Variants in CADM2 observed in about 807,000 individuals in gnomAD.
CADM2 encodes the protein cell adhesion molecule 2, also known as immunoglobulin superfamily member 4D.
In CADM2, 12 loss-of-function variants were observed where a neutral mutation model predicts 49.8. The observed-to-expected ratio is 0.24, with a 90% CI of 0.15 to 0.39. The LOEUF (loss-of-function observed/expected upper bound fraction) is 0.39, where lower values mean the gene tolerates loss of function less well. Ranked by LOEUF, CADM2 falls within the 10% of genes least tolerant of loss-of-function variation. CADM2 has a pLI of 1.00. For synonymous variants in CADM2, 214 were observed against 175.4 expected (o/e 1.22, Z -1.74); for missense variants, 378 against 492.3 (o/e 0.77, Z 2.20).
chr3:85,477,243 A>AACACAC (rs139955724), intron 1 of CADM2, among the ~76,000 whole-genome samples: 27,319 of 144,610 alleles, frequency 0.19, 3,060 homozygotes, highest in Middle Eastern at 0.29. Flanking sequence ...GATTCCCTTA[A>AACACAC]ACACACACAC....
intron 1 of CADM2, among the ~76,000 whole-genome samples, chr3:85,549,625 T>A (rs2061750652): frequency 6.6e-6 from 1 of 151,632 alleles, no homozygotes; most frequent in Admixed American, 6.6e-5. Context: ...TTAAAGGTAT[T>A]TATTTATTTA....
chr3:85,987,946 T>G (rs1728321705), intron 8 of CADM2, among the ~76,000 whole-genome samples: 1 of 152,106 alleles, frequency 6.6e-6, no homozygotes. Context: ...CTGAAAAGAT[T>G]GCAGGCACTG....
chr3:85,238,394 G>T (rs551283575), intron 1 of CADM2, among the ~76,000 whole-genome samples: 1 of 152,046 alleles, frequency 6.6e-6, no homozygotes, highest in East Asian at 1.9e-4. Context: ...GGAAGGAAAA[G>T]CAATTGTATA....
intron 1 of CADM2, among the ~76,000 whole-genome samples, chr3:85,690,134 G>A (rs901232159): frequency 1.3e-5 from 2 of 152,146 alleles, no homozygotes; most frequent in African/African-American, 2.4e-5. Flanking sequence ...CCTTCTCCGA[G>A]TTGGAACTGA....
chr3:85,221,993 T>G (rs761560042), intron 1 of CADM2, among the ~76,000 whole-genome samples: 2 of 152,136 alleles, frequency 1.3e-5, no homozygotes, highest in Non-Finnish European at 2.9e-5. Context: ...TTTATCACAA[T>G]GAAGTTAATG....
intron 1 of CADM2, among the ~76,000 whole-genome samples, chr3:85,123,679 A>G (rs992248480): frequency 7.2e-5 from 11 of 152,284 alleles, no homozygotes; most frequent in Admixed American, 7.2e-4. Context: ...GTTTAATTAA[A>G]CATATATATT....
intron 1 of CADM2, among the ~76,000 whole-genome samples, chr3:85,310,624 T>G (rs1441266044): frequency 6.6e-6 from 1 of 152,196 alleles, no homozygotes; most frequent in East Asian, 1.9e-4. Flanking sequence ...GGAGCAAATA[T>G]GTTCTGGAAA....
At chr3:85,567,640 C>CAGATAGAT (rs77984526) in intron 1 of CADM2, among the ~76,000 whole-genome samples, 3 of 151,036 alleles carry the variant, frequency 2.0e-5, no homozygotes, top group East Asian at 2.0e-4. Context: ...GAATCAATTC[C>CAGATAGAT]AGATAGATAG....
At chr3:85,641,996 A>G (rs922823633) in intron 1 of CADM2, among the ~76,000 whole-genome samples, 41 of 152,140 alleles carry the variant, frequency 2.7e-4, no homozygotes, top group African/African-American at 9.7e-4. Flanking sequence ...TACAGTTCTC[A>G]GGCTTTCCAT....
intron 6 of CADM2, 152 bp downstream of exon 6, chr3:85,912,695 G>A: frequency 2.9e-6 from 2 of 689,162 alleles, no homozygotes; most frequent in Non-Finnish European, 2.4e-6. Flanking sequence ...TATTAATCAG[G>A]TTCAAAGGAA....
At chr3:86,030,890 C>G (rs1734484269) in intron 8 of CADM2, among the ~76,000 whole-genome samples, 1 of 151,816 alleles carries the variant, frequency 6.6e-6, no homozygotes, top group South Asian at 2.1e-4. Flanking sequence ...TTTCATCTGC[C>G]AAGTTACTCA....
intron 1 of CADM2, among the ~76,000 whole-genome samples, chr3:85,486,777 G>C (rs1358373553): frequency 6.6e-6 from 1 of 152,032 alleles, no homozygotes; most frequent in East Asian, 1.9e-4. Context: ...TCTGAATCTA[G>C]ATACCTTACT....
At chr3:85,791,546 G>GAA (rs1209472139) in intron 2 of CADM2, among the ~76,000 whole-genome samples, 7 of 99,146 alleles carry the variant, frequency 7.1e-5, no homozygotes, top group Non-Finnish European at 1.3e-4. Context: ...GAGAGAGAAA[G>GAA]AGAGAGAGAG....
intron 1 of CADM2, among the ~76,000 whole-genome samples, chr3:85,250,841 T>C (rs748003890): frequency 6.6e-6 from 1 of 151,750 alleles, no homozygotes; most frequent in Non-Finnish European, 1.5e-5. Context: ...TATAGGAAGA[T>C]GTTTATTTAA....
At chr3:85,644,598 C>T (rs556740988) in intron 1 of CADM2, among the ~76,000 whole-genome samples, 1 of 152,274 alleles carries the variant, frequency 6.6e-6, no homozygotes, top group African/African-American at 2.4e-5. Context: ...AAAGTGTCCC[C>T]AGCACTTCTT....
intron 1 of CADM2, among the ~76,000 whole-genome samples, chr3:85,643,955 C>G (rs1380308528): frequency 6.6e-6 from 1 of 151,992 alleles, no homozygotes; most frequent in African/African-American, 2.4e-5. Context: ...ATGAATTTTT[C>G]AATTCCTGGA....
intron 1 of CADM2, among the ~76,000 whole-genome samples, chr3:85,315,250 A>C (rs1342627530): frequency 6.6e-6 from 1 of 152,144 alleles, no homozygotes; most frequent in African/African-American, 2.4e-5. Context: ...CAGCCTCTTG[A>C]AAGTATTCTC....
chr3:86,066,599 T>C (rs1739368815), intron 9 of CADM2, 66 bp from the exon 10 acceptor site: 1 of 1,192,692 alleles, frequency 8.4e-7, no homozygotes, highest in Non-Finnish European at 1.2e-6. Context: ...CTAAATAATG[T>C]AGCTTTAATG....
At chr3:85,953,024 C>T (rs537417252) in intron 7 of CADM2, among the ~76,000 whole-genome samples, 2 of 150,638 alleles carry the variant, frequency 1.3e-5, no homozygotes, top group African/African-American at 4.8e-5. Context: ...CAGATGTTTC[C>T]CCCACACCTG....
Sources: gnomAD v4.1 joint callset for allele counts (sites outside exome capture counted in the v4.1 genomes callset) on GRCh38, gnomAD v4.1.1 for gene constraint, MANE v1.5 for transcripts, NCBI Gene and HGNC (gene_info 2026-07-23, HGNC 2026-07-21) for gene names.